DNAH10: variants seen among roughly 807,000 people sequenced by gnomAD.
DNAH10 encodes the protein dynein axonemal heavy chain 10.
DNAH10 carries 348 observed loss-of-function variants against 506.6 expected under a neutral mutation model. The observed-to-expected ratio is 0.69, with a 90% confidence interval of 0.63 to 0.75. The LOEUF is 0.75. Ranked by LOEUF, DNAH10 falls within the 30% of genes least tolerant of loss-of-function variation. The pLI, the probability that DNAH10 is intolerant of heterozygous loss-of-function variation, is 0.00. For synonymous variants in DNAH10, 2,059 were observed against 2,198.6 expected (o/e 0.94, Z 1.78); for missense variants, 5,179 against 5,787.1 (o/e 0.89, Z 3.41).
rs1240568210 is a variant in DNAH10 at position 123,792,784 on chromosome 12, T to C, written c.1816-1158T>C. On this transcript the variant is annotated intron_variant, in intron 11 of 78. Transcript: ENST00000673944. Reference sequence around the variant, plus strand: ...CCAGCTTGTTTGCTTTTTGAGCCTGTTACAAAGCAGTCTAGGACCCTAGGA... The same window carrying C: ...CCAGCTTGTTTGCTTTTTGAGCCTGCTACAAAGCAGTCTAGGACCCTAGGA... Among the ~76,000 whole-genome samples, 7 of 152,148 alleles carry C rather than the reference T, an allele frequency of 4.6e-5. No homozygotes were observed. In the East Asian group the frequency reaches 1.3e-3, roughly 29 times the overall value.
In DNAH10 at chr12:123,902,423, A is replaced by G. The variant is rs1953561999; in HGVS notation, c.9641-516A>G. On this transcript the variant is annotated intron_variant, in intron 56 of 78. Coordinates refer to ENST00000673944, the MANE Select transcript of DNAH10 (RefSeq NM_001372106.1). This position sits in a 1 kb window ranked among gnomAD's most constrained non-coding sequence, Gnocchi z 4.5. The stretch of plus-strand genomic sequence containing the variant: ...GTGAGTGAGGGCACCCAGGCAGTGA[A>G]TCAGCCAGTGGTGAAATGAAACTTC... 6.6e-6 allele frequency among the ~76,000 whole-genome samples: 1 copy of G among 152,182 alleles called. No individual in the cohort carries two copies. Among genetic ancestry groups the G allele is most frequent in the Non-Finnish European group, 1.5e-5 (1 of 68,032 alleles).
chr12:123,782,389 T>C (rs1192548156), intron 6 of DNAH10, among the ~76,000 whole-genome samples: 5 of 130,626 alleles, frequency 3.8e-5, no homozygotes, highest in African/African-American at 5.9e-5. Flanking sequence ...TTCTTTCTTT[T>C]CTTTCCTTTC....
chr12:123,870,268 C>A, intron 43 of DNAH10, 98 bp from the exon 44 acceptor site: 1 of 1,476,026 alleles, frequency 6.8e-7, no homozygotes, highest in Non-Finnish European at 9.1e-7. Flanking sequence ...GGCCTCCGTG[C>A]AGTACAAGCA....
Position 123,928,906 on chromosome 12 carries a change from T to A in DNAH10, c.12306+319T>A. Reference sequence around the variant, plus strand: ...AGTTCGCTAGTGCTGACTGCAGGAGTTTCGCGTGGTTTACATGCCCCATTT... The same window carrying A: ...AGTTCGCTAGTGCTGACTGCAGGAGATTCGCGTGGTTTACATGCCCCATTT... On this transcript the variant is annotated intron_variant, in intron 70 of 78. Coordinates refer to ENST00000673944, the MANE Select transcript of DNAH10 (RefSeq NM_001372106.1). This position sits in a 1 kb window ranked among gnomAD's most constrained non-coding sequence, Gnocchi z 4.9. The A allele has an allele frequency of 2.2e-6, 1 of 445,620 alleles. No homozygotes were observed. The highest frequency in any genetic ancestry group is 4.0e-6 in the Non-Finnish European group (1 of 251,616). 27.6% of individuals were successfully genotyped at this position (445,620 alleles called of 1,614,324 possible).
At chr12:123,858,405 C>A (rs548611923) in intron 37 of DNAH10, among the ~76,000 whole-genome samples, 1 of 152,218 alleles carries the variant, frequency 6.6e-6, no homozygotes, top group East Asian at 1.9e-4. Flanking sequence ...GGGTACCGGC[C>A]GTGGACGAGA....
rs373777561 is a variant in DNAH10, at chr12:123,924,402, T to C, written c.11736T>C (p.Asp3912=). 7 of 1,613,652 alleles carry C rather than the reference T, an allele frequency of 4.3e-6. No homozygotes were observed. Among genetic ancestry groups the C allele is most frequent in the African/African-American group, 4.0e-5 (3 of 74,926 alleles). The stretch of plus-strand genomic sequence containing the variant: ...ACAACTTTGGGCAACTTCCTGATGA[T>C]GTTGAGAATAATCAGACTGTCTGGC... The part of the protein sequence containing the change: ...FSDNFGQLPD[D]VENNQTVWQE... The change falls in exon 67 of 79, where the codon GAT becomes GAC. Residue 3912 remains aspartate, a synonymous_variant. Coordinates refer to ENST00000673944, the MANE Select transcript of DNAH10 (RefSeq NM_001372106.1).
At chr12:123,889,031 T>C (rs569539017) in intron 52 of DNAH10, among the ~76,000 whole-genome samples, 1 of 152,336 alleles carries the variant, frequency 6.6e-6, no homozygotes, top group Non-Finnish European at 1.5e-5. Flanking sequence ...TATAAAAAAT[T>C]TCTAACATAA....
Position 123,864,248 on chromosome 12 carries a change from C to G in DNAH10, c.6909-347C>G, listed in dbSNP as rs946589833. On this transcript the variant is annotated intron_variant, in intron 39 of 78. Transcript: ENST00000673944. ...GCAACCTGTGCCTCCTGGGTTCATG[C>G]GATTCTCCTGCCTCAGCCTCCTGAG... is the stretch of plus-strand genomic sequence containing the variant. Among the ~76,000 whole-genome samples the G allele has an allele frequency of 5.5e-5, 8 of 146,088 alleles. No individual in the cohort carries two copies. In the South Asian group the frequency reaches 1.7e-3, roughly 31 times the overall value.
rs938639570 is a variant in DNAH10 at position 123,934,863 on chromosome 12, CAG to C, written c.13623+98_13623+99del. 8.1e-6 allele frequency: 12 copies of C among 1,481,802 alleles called. No homozygotes were observed. In the Admixed American group the frequency reaches 1.0e-4, roughly 13 times the overall value. 91.8% of individuals were successfully genotyped at this position (1,481,802 alleles called of 1,614,324 possible). ...TTTCCAACAGTCCTACTTTTTAAAA[CAG>C]GGGTGCCTAAGCTTTATGGGCTGGG... On this transcript the variant is annotated intron_variant, in intron 78 of 78. Coordinates refer to ENST00000673944, the MANE Select transcript of DNAH10 (RefSeq NM_001372106.1).
chr12:123,827,468 C>T (rs747637610), intron 25 of DNAH10, among the ~76,000 whole-genome samples: 21 of 152,232 alleles, frequency 1.4e-4, no homozygotes, highest in Non-Finnish European at 2.5e-4. Flanking sequence ...TCCATAGACA[C>T]GCGTGGCTTG....
chr12:123,882,686 G>A (rs1165570601), intron 51 of DNAH10, among the ~76,000 whole-genome samples: 2 of 151,296 alleles, frequency 1.3e-5, no homozygotes, highest in Non-Finnish European at 1.5e-5. Flanking sequence ...CCAGCTACTC[G>A]GAGGCTGAGG....
rs1956862211 is a variant in DNAH10 at position 123,762,510 on chromosome 12, C to T, written c.174C>T (p.Ile58=). Residue 58 remains isoleucine, a synonymous_variant, in exon 1 of 79, where the codon ATC becomes ATT. Coordinates refer to ENST00000673944, the MANE Select transcript of DNAH10 (RefSeq NM_001372106.1). This position sits in a 1 kb window ranked among gnomAD's most constrained non-coding sequence, Gnocchi z 5.0. ...SEEEGPSALF[I]YRTMVPEEVE... ...AGGAGGGGCCCTCGGCGCTCTTCAT[C>T]TACCGCACTATGGTGCCGGAGGAGG... The T allele has an allele frequency of 6.5e-7, 1 of 1,545,700 alleles. No homozygotes were observed.
At position 123,850,610 on chromosome 12, in the gene DNAH10, C is replaced by T. The variant is rs1951118439; in HGVS notation, c.6103-278C>T. On this transcript the variant is annotated intron_variant, in intron 34 of 78. Transcript: ENST00000673944. This position sits in a 1 kb window ranked among gnomAD's most constrained non-coding sequence, Gnocchi z 5.5. ...AGGGTCACACAGCTTCTTGTATCAG[C>T]CCCAGACTCTGTGCTTCGCCAACCT... Among the ~76,000 whole-genome samples, 1 of 152,186 alleles carries T rather than the reference C, an allele frequency of 6.6e-6. No homozygotes were observed. Among genetic ancestry groups the T allele is most frequent in the Non-Finnish European group, 1.5e-5 (1 of 68,028 alleles).
At chr12:123,897,043 G>A (rs114178813) in intron 54 of DNAH10, among the ~76,000 whole-genome samples, 1 of 152,078 alleles carries the variant, frequency 6.6e-6, no homozygotes, top group African/African-American at 2.4e-5. Flanking sequence ...TCGAATCTGT[G>A]TTCTGTCTGT....
rs951032790 is a variant in DNAH10, at chr12:123,919,302, T to C, written c.11506+353T>C. Among the ~76,000 whole-genome samples the C allele has an allele frequency of 6.6e-6, 1 of 152,092 alleles. No individual in the cohort carries two copies. The highest frequency in any genetic ancestry group is 2.4e-5 in the African/African-American group (1 of 41,400). Reference sequence around the variant, plus strand: ...GTTGCCCAGGCTGGTCTCGAACTCCTGAGCTCAAACGATCCACCCACCTTG... The same window carrying C: ...GTTGCCCAGGCTGGTCTCGAACTCCCGAGCTCAAACGATCCACCCACCTTG... On this transcript the variant is annotated intron_variant, in intron 65 of 78. Transcript: ENST00000673944. The surrounding 1 kb of genome is among the most constrained non-coding windows in gnomAD (Gnocchi z 4.9).
intron 23 of DNAH10, among the ~76,000 whole-genome samples, chr12:123,819,700 GT>G (rs768231077): frequency 0.018 from 1,881 of 101,804 alleles, 35 homozygotes; most frequent in African/African-American, 0.066. Context: ...CTAAAATTCT[GT>G]TTTTTTTTTT....
intron 7 of DNAH10, 73 bp from the exon 8 acceptor site, chr12:123,783,874 C>T (rs1957754006): frequency 8.0e-6 from 11 of 1,375,932 alleles, no homozygotes; most frequent in Non-Finnish European, 1.1e-5. Flanking sequence ...AGAACGGATG[C>T]TGGAGAAACC....
chr12:123,929,541 G>A (rs939459780), intron 71 of DNAH10, 57 bp downstream of exon 71: 60 of 1,585,742 alleles, frequency 3.8e-5, no homozygotes, highest in African/African-American at 5.4e-5. Context: ...ACTTCCTCCC[G>A]ACTTTCCTCC....
Position 123,918,964 on chromosome 12 carries a change from C to A in DNAH10, c.11506+15C>A. On this transcript the variant is annotated intron_variant, in intron 65 of 78. Coordinates refer to ENST00000673944, the MANE Select transcript of DNAH10 (RefSeq NM_001372106.1). ...CGGCTGCACAGGTGAGCTCTCCCCACAGAGGAGGACATGTTAGTGTAGTTT... is the reference window on the plus strand; with the variant it reads ...CGGCTGCACAGGTGAGCTCTCCCCAAAGAGGAGGACATGTTAGTGTAGTTT... 1 of 1,592,138 alleles carries A rather than the reference C, an allele frequency of 6.3e-7. No individual in the cohort carries two copies. The highest frequency in any genetic ancestry group is 8.6e-7 in the Non-Finnish European group (1 of 1,166,436).
Sources: gnomAD v4.1 joint callset for allele counts (sites outside exome capture counted in the v4.1 genomes callset) on GRCh38, gnomAD v4.1.1 for gene constraint, Gnocchi (gnomAD v3.1) non-coding constraint, MANE v1.5 for transcripts, NCBI Gene and HGNC (gene_info 2026-07-23, HGNC 2026-07-21) for gene names.